The following PDXDC1 variants were observed in gnomAD, a reference collection of about 807,000 sequenced individuals.
PDXDC1 encodes pyridoxal dependent decarboxylase domain containing 1.
In PDXDC1, 42 loss-of-function variants were observed where a neutral mutation model predicts 100.1. The observed-to-expected ratio is 0.42, with a 90% CI of 0.33 to 0.54. The LOEUF is 0.54. PDXDC1 is among the 20% of genes least tolerant of loss of function. The probability of loss-of-function intolerance (pLI) is 0.10; values close to 1 mark genes in which losing one functional copy is unlikely to be tolerated. For missense variants in PDXDC1, 636 were observed against 979.2 expected (o/e 0.65, Z 4.68); for synonymous variants, 260 against 371.7 (o/e 0.70, Z 3.46).
At chr16:15,149,764 G>A in the PDXDC1 span, among the ~76,000 whole-genome samples, 2 of 152,112 alleles carry the variant, frequency 1.3e-5, no homozygotes, top group African/African-American at 4.8e-5. Context: ...GTGACCCCCA[G>A]CCAGGGTGAG....
At chr16:15,111,132 AC>A (rs1567266956) in intron 16 of PDXDC1, among the ~76,000 whole-genome samples, 1 of 136,070 alleles carries the variant, frequency 7.3e-6, no homozygotes, top group East Asian at 2.0e-4. Context: ...TGTCACACAC[AC>A]ACACACACAC....
chr16:15,045,627 CAA>C (rs1317421215), intron 16 of PDXDC1: 1 of 152,386 alleles, frequency 6.6e-6, no homozygotes, highest in Non-Finnish European at 1.5e-5. Context: ...CAAAACAAAA[CAA>C]AAAGACTGGG....
chr16:15,112,904 A>G (rs2047127454), intron 16 of PDXDC1, among the ~76,000 whole-genome samples: 1 of 90,876 alleles, frequency 1.1e-5, no homozygotes. Flanking sequence ...AATTGTTAAA[A>G]AGTGGTAAAT....
chr16:15,090,801 G>C (rs1480178288), intron 16 of PDXDC1, among the ~76,000 whole-genome samples: 1 of 151,014 alleles, frequency 6.6e-6, no homozygotes, highest in East Asian at 1.9e-4. Flanking sequence ...GAAGAATGGT[G>C]AAACAAAATG....
intron 16 of PDXDC1, chr16:15,047,158 A>C: frequency 2.2e-6 from 1 of 460,162 alleles, no homozygotes; most frequent in Non-Finnish European, 3.9e-6. Context: ...GGAGAGCAAA[A>C]CGATGTGAAA....
chr16:15,084,576 A>G, intron 16 of PDXDC1: 1 of 1,167,752 alleles, frequency 8.6e-7, no homozygotes, highest in East Asian at 2.6e-5. Flanking sequence ...ACATTTTATA[A>G]TTTTTACTAA....
intron 16 of PDXDC1, among the ~76,000 whole-genome samples, chr16:15,117,741 A>G (rs1317681503): frequency 3.8e-5 from 4 of 106,012 alleles, no homozygotes; most frequent in East Asian, 2.6e-4. Context: ...AATTTATACC[A>G]AAAATTCTCT....
At chr16:15,045,471 A>G (rs925760279) in intron 16 of PDXDC1, 3 of 152,302 alleles carry the variant, frequency 2.0e-5, no homozygotes, top group Non-Finnish European at 2.9e-5. Context: ...TGTCTCAAAA[A>G]AAAAAAAAAA....
At chr16:15,089,786 C>CAA (rs142235345) in intron 16 of PDXDC1, among the ~76,000 whole-genome samples, 915 of 66,528 alleles carry the variant, frequency 0.014, 76 homozygotes, top group African/African-American at 0.022. Flanking sequence ...GGCGACAGAG[C>CAA]AAAAAAAAAA....
chr16:15,069,780 G>T (rs892800606), intron 16 of PDXDC1, among the ~76,000 whole-genome samples: 6 of 152,190 alleles, frequency 3.9e-5, no homozygotes, highest in African/African-American at 1.4e-4. Flanking sequence ...ACAGCCCAGG[G>T]CTCAGCCTCA....
rs1435742862 is a variant in PDXDC1, at chr16:15,130,070, G to T, written c.1400-8809G>T. 30 of 1,461,982 alleles carry T rather than the reference G, an allele frequency of 2.1e-5. No individual in the cohort carries two copies. The East Asian group carries it at 4.7e-4, about 23-fold the overall frequency. 90.6% of individuals were successfully genotyped at this position (1,461,982 alleles called of 1,614,324 possible). A position where few individuals can be genotyped will look rare whatever the true frequency, so the allele number is the denominator to read the frequency against. On this transcript the variant is annotated intron_variant, in intron 16 of 16. Transcript: ENST00000535621. ...CATGACGATGTAGTTTACATCCGCT[G>T]TCGGCTCCTGTGAGGACACAGCCGC...
At chr16:15,049,067 T>C (rs1034841678) in intron 16 of PDXDC1, among the ~76,000 whole-genome samples, 1 of 147,458 alleles carries the variant, frequency 6.8e-6, no homozygotes, top group Non-Finnish European at 1.5e-5. Context: ...CTGAGTTTTA[T>C]ACTTTTTGTA....
downstream of PDXDC1, chr16:15,041,503 G>C: frequency 1.3e-6 from 1 of 784,268 alleles, no homozygotes; most frequent in Non-Finnish European, 2.3e-6. Flanking sequence ...GGAAGAGCCG[G>C]AACAGATGGT....
chr16:15,080,412 C>G (rs912208111), intron 16 of PDXDC1, among the ~76,000 whole-genome samples: 15 of 152,202 alleles, frequency 9.9e-5, no homozygotes, highest in African/African-American at 3.4e-4. Flanking sequence ...AGTTATGAGA[C>G]CATCAACATA....
chr16:15,111,087 C>G (rs1485855963), intron 16 of PDXDC1, among the ~76,000 whole-genome samples: 7 of 147,884 alleles, frequency 4.7e-5, no homozygotes, highest in Non-Finnish European at 9.0e-5. Flanking sequence ...GAGATCACAC[C>G]ACTGCACTCC....
the PDXDC1 span, among the ~76,000 whole-genome samples, chr16:15,148,746 C>G: frequency 6.6e-6 from 1 of 151,900 alleles, no homozygotes; most frequent in East Asian, 1.9e-4. Context: ...TGGATGCAAG[C>G]CGATACTGCA....
At chr16:14,985,154 G>A (rs1165983996) in intron 1 of PDXDC1, among the ~76,000 whole-genome samples, 1 of 152,274 alleles carries the variant, frequency 6.6e-6, no homozygotes, top group Admixed American at 6.5e-5. Flanking sequence ...TGGGATTACA[G>A]GTGTGAGCCA....
chr16:15,123,136 G>A (rs1321193681), intron 16 of PDXDC1, among the ~76,000 whole-genome samples: 2 of 150,030 alleles, frequency 1.3e-5, no homozygotes, highest in African/African-American at 4.9e-5. Context: ...GCAACCCTGG[G>A]GCTTTAGACT....
At chr16:15,100,512 T>C (rs2046504573) in intron 16 of PDXDC1, among the ~76,000 whole-genome samples, 1 of 152,178 alleles carries the variant, frequency 6.6e-6, no homozygotes, top group Non-Finnish European at 1.5e-5. Context: ...TACTTCTCTG[T>C]TGGGTGGGGA....
Sources: allele counts gnomAD v4.1 joint callset (sites outside exome capture counted in the v4.1 genomes callset), GRCh38; gene constraint gnomAD v4.1.1; transcripts MANE v1.5; gene names NCBI Gene and HGNC (gene_info 2026-07-23, HGNC 2026-07-21).